IPMK: variants seen among roughly 807,000 people sequenced by gnomAD.
The protein encoded by IPMK is inositol polyphosphate multikinase.
In IPMK, 17 loss-of-function variants were observed where a neutral mutation model predicts 45.8. The observed-to-expected ratio is 0.37, with a 90% CI of 0.25 to 0.56. The LOEUF (loss-of-function observed/expected upper bound fraction) is 0.56. IPMK is among the 20% of genes least tolerant of loss of function. The pLI, the probability that IPMK is intolerant of heterozygous loss-of-function variation, is 0.79. For synonymous variants in IPMK, 180 were observed against 184.3 expected (o/e 0.98, Z 0.19); for missense variants, 399 against 498.0 (o/e 0.80, Z 1.89).
At chr10:58,244,480 G>A (rs528613576) in intron 1 of IPMK, among the ~76,000 whole-genome samples, 1 of 152,202 alleles carries the variant, frequency 6.6e-6, no homozygotes, top group Admixed American at 6.5e-5. Context: ...CCCCGTCTGG[G>A]AAGTGAGGAG....
intron 1 of IPMK, among the ~76,000 whole-genome samples, chr10:58,259,743 G>A (rs565155783): frequency 2.5e-4 from 38 of 150,466 alleles, no homozygotes; most frequent in African/African-American, 8.7e-4. Flanking sequence ...AGGAGGCTTC[G>A]GTGGGAGGAT....
chr10:58,263,959 A>C (rs2095892), intron 1 of IPMK, among the ~76,000 whole-genome samples: 51,445 of 152,100 alleles, frequency 0.34, 10,944 homozygotes, highest in African/African-American at 0.61. Context: ...GGACACTAAA[A>C]GACATAACAA....
intron 2 of IPMK, among the ~76,000 whole-genome samples, chr10:58,231,000 A>C (rs1214310561): frequency 2.0e-5 from 3 of 152,260 alleles, no homozygotes; most frequent in African/African-American, 7.2e-5. Flanking sequence ...GATGGGGCTG[A>C]AAACCATGGC....
intron 2 of IPMK, among the ~76,000 whole-genome samples, chr10:58,233,522 G>A (rs918014630): frequency 6.6e-6 from 1 of 152,040 alleles, no homozygotes. Flanking sequence ...TTTAACATAC[G>A]CAAATCAATA....
chr10:58,260,186 C>G (rs1167351291), intron 1 of IPMK, among the ~76,000 whole-genome samples: 1 of 152,132 alleles, frequency 6.6e-6, no homozygotes, highest in Non-Finnish European at 1.5e-5. Context: ...CATGACAAAA[C>G]AATCAGACAA....
intron 1 of IPMK, among the ~76,000 whole-genome samples, chr10:58,246,943 C>G (rs1397018329): frequency 6.7e-6 from 1 of 150,270 alleles, no homozygotes; most frequent in Non-Finnish European, 1.5e-5. Context: ...ACAATGAACT[C>G]AAACAAATTT....
intron 3 of IPMK, among the ~76,000 whole-genome samples, chr10:58,224,765 A>G (rs1838388064): frequency 6.6e-6 from 1 of 152,194 alleles, no homozygotes; most frequent in Non-Finnish European, 1.5e-5. Context: ...AACAAGAACA[A>G]AAACCAACAG....
At chr10:58,199,871 A>C (rs1402393204) in intron 4 of IPMK, among the ~76,000 whole-genome samples, 1 of 152,208 alleles carries the variant, frequency 6.6e-6, no homozygotes, top group Non-Finnish European at 1.5e-5. Context: ...ACAAATTAGT[A>C]AACAGAAAAT....
intron 3 of IPMK, among the ~76,000 whole-genome samples, chr10:58,219,857 A>AT (rs1206506705): frequency 6.6e-6 from 1 of 152,238 alleles, no homozygotes; most frequent in Non-Finnish European, 1.5e-5. Context: ...AAAGAAGTTT[A>AT]TTCCCCCCAT....
At chr10:58,211,919 A>AATAAAAAAAAAT (rs1554823052) in intron 4 of IPMK, among the ~76,000 whole-genome samples, 2 of 148,284 alleles carry the variant, frequency 1.3e-5, no homozygotes, top group African/African-American at 5.2e-5. Context: ...AAAAAAAAAA[A>AATAAAAAAAAAT]AAAAAATTTG....
At chr10:58,216,032 C>G (rs988313403) in intron 4 of IPMK, 113 bp downstream of exon 4, 1 of 800,952 alleles carries the variant, frequency 1.2e-6, no homozygotes, top group Non-Finnish European at 1.8e-6. Context: ...ACAGACAACT[C>G]AATTCCAAAA....
chr10:58,261,670 G>A (rs541728779), intron 1 of IPMK, among the ~76,000 whole-genome samples: 180 of 151,226 alleles, frequency 1.2e-3, no homozygotes, highest in African/African-American at 4.2e-3. Flanking sequence ...TGCAACCTCC[G>A]CTCCCAGGTT....
intron 2 of IPMK, among the ~76,000 whole-genome samples, chr10:58,233,737 C>T (rs1838563588): frequency 6.6e-6 from 1 of 152,108 alleles, no homozygotes; most frequent in Non-Finnish European, 1.5e-5. Flanking sequence ...AAACTGGAAG[C>T]ATTCCCTTTG....
chr10:58,201,294 G>A (rs1837993886), intron 4 of IPMK, among the ~76,000 whole-genome samples: 1 of 152,148 alleles, frequency 6.6e-6, no homozygotes, highest in African/African-American at 2.4e-5. Flanking sequence ...GTCTGTGGCA[G>A]CTTGAGCAAA....
In IPMK at chr10:58,195,893, T is replaced by G. The variant is rs182247815; in HGVS notation, c.*183A>C. The G allele has an allele frequency of 6.5e-4, 383 of 588,994 alleles. 1 individual carries two copies. The highest frequency in any genetic ancestry group is 6.3e-3 in the African/African-American group (336 of 53,266). 36.5% of individuals were successfully genotyped at this position (588,994 alleles called of 1,614,324 possible). On this transcript the variant is annotated 3_prime_UTR_variant, in exon 6 of 6. Transcript: ENST00000373935. The stretch of plus-strand genomic sequence containing the variant: ...TTCTTTATTCTTCATAGTTTTCTAA[T>G]GAACAAATAGTTAGTTTTCCTGAGT...
chr10:58,199,515 T>C (rs1488725736), intron 4 of IPMK, among the ~76,000 whole-genome samples, 194 bp from the exon 5 acceptor site: 1 of 152,118 alleles, frequency 6.6e-6, no homozygotes, highest in East Asian at 1.9e-4. Context: ...CCACTACTGA[T>C]GAAAACTCTC....
chr10:58,242,593 CA>C (rs928920465), intron 1 of IPMK, among the ~76,000 whole-genome samples: 2 of 151,954 alleles, frequency 1.3e-5, no homozygotes, highest in Admixed American at 1.3e-4. Context: ...ACAGGCTCAT[CA>C]CTATACTCAA....
chr10:58,245,504 C>T (rs544922775), intron 1 of IPMK, among the ~76,000 whole-genome samples: 28 of 150,176 alleles, frequency 1.9e-4, no homozygotes, highest in Non-Finnish European at 3.5e-4. Flanking sequence ...CCCAACTACT[C>T]GGGAGGCTGG....
chr10:58,228,799 T>C (rs1426919647), intron 2 of IPMK, among the ~76,000 whole-genome samples: 1 of 152,200 alleles, frequency 6.6e-6, no homozygotes, highest in Non-Finnish European at 1.5e-5. Flanking sequence ...TAAGATAACC[T>C]AAAAACCTTT....
Sources: allele counts gnomAD v4.1 joint callset (sites outside exome capture counted in the v4.1 genomes callset), GRCh38; gene constraint gnomAD v4.1.1; transcripts MANE v1.5; gene names NCBI Gene and HGNC (gene_info 2026-07-23, HGNC 2026-07-21).